The following THADA variants were observed in gnomAD, a reference collection of about 807,000 sequenced individuals.
THADA encodes the protein THADA armadillo repeat containing, also known as tRNA (32-2'-O)-methyltransferase regulator THADA.
THADA carries 213 observed loss-of-function variants against 219.8 expected under a neutral mutation model. The ratio of observed to expected loss-of-function variants is 0.97; its 90% CI spans 0.87 to 1.09. The LOEUF (loss-of-function observed/expected upper bound fraction) is 1.09, where lower values mean the gene tolerates loss of function less well. Among genes scored for constraint, THADA ranks in the 50% least tolerant of loss-of-function variants. THADA has a pLI of 0.00. For synonymous variants in THADA, 1,018 were observed against 828.9 expected (o/e 1.23, Z -3.92); for missense variants, 2,956 against 2,311.3 (o/e 1.28, Z -5.72).
chr2:43,378,806 A>G (rs1378155403), intron 29 of THADA, among the ~76,000 whole-genome samples: 1 of 152,120 alleles, frequency 6.6e-6, no homozygotes, highest in East Asian at 1.9e-4. Flanking sequence ...GGGTTTCTCT[A>G]TGTTGGCCAG....
intron 21 of THADA, among the ~76,000 whole-genome samples, chr2:43,537,939 CAA>C (rs1196698525): frequency 1.8e-4 from 11 of 60,434 alleles, no homozygotes; most frequent in Non-Finnish European, 2.5e-4. Flanking sequence ...GACCCAGACT[CAA>C]AAAAAAAAAA....
Position 43,279,779 on chromosome 2 carries a change from G to A in THADA, c.5282C>T (p.Thr1761Ile). 2 of 1,549,576 alleles carry A rather than the reference G, an allele frequency of 1.3e-6. No homozygotes were observed. Among genetic ancestry groups the A allele is most frequent in the East Asian group, 2.4e-5 (1 of 41,204 alleles). The change falls in exon 36 of 38, where the codon ACC becomes ATC. Residue 1761 changes from threonine to isoleucine, a missense_variant. By Grantham distance (89) the Thr-to-Ile change is moderately conservative. Coordinates refer to ENST00000405975, the MANE Select transcript of THADA (RefSeq NM_022065.5). ...GAACGAGGTACCTGTTGACTGGCAG[G>A]TATTTTCTTGTGACATGGCAGTTGT... is the stretch of plus-strand genomic sequence containing the variant. ...TVTTAMSQENTCQSTEFAFCQ... is the reference protein window; with the variant it reads ...TVTTAMSQENICQSTEFAFCQ...
intron 19 of THADA, among the ~76,000 whole-genome samples, chr2:43,550,790 T>C (rs1696655184): frequency 6.6e-6 from 1 of 152,176 alleles, no homozygotes; most frequent in Non-Finnish European, 1.5e-5. Context: ...GCATGTTCCT[T>C]ATTCTTATGC....
rs148411967 is a variant in THADA, at chr2:43,336,794, C to A, written c.4343+7328G>T. Among the ~76,000 whole-genome samples the A allele has an allele frequency of 5.0e-3, 757 of 152,292 alleles. 2 individuals are homozygous for A. The highest frequency in any genetic ancestry group is 0.017 in the Middle Eastern group (5 of 294). On this transcript the variant is annotated intron_variant, in intron 30 of 37. Coordinates refer to ENST00000405975, the MANE Select transcript of THADA (RefSeq NM_022065.5). ...TTAAGAACTAGCATCAGCCAATCTG[C>A]TACTTAATAAATGCCAATAGCAAGG...
intron 22 of THADA, among the ~76,000 whole-genome samples, chr2:43,526,052 A>C (rs1693127539): frequency 6.6e-6 from 1 of 152,226 alleles, no homozygotes; most frequent in Non-Finnish European, 1.5e-5. Context: ...AAATTCTATA[A>C]TGCAAAGAGG....
At chr2:43,499,207 A>C (rs994128238) in intron 24 of THADA, among the ~76,000 whole-genome samples, 2 of 152,218 alleles carry the variant, frequency 1.3e-5, no homozygotes, top group Non-Finnish European at 2.9e-5. Context: ...CCTGCACCTA[A>C]AATACAGAGA....
intron 21 of THADA, among the ~76,000 whole-genome samples, chr2:43,532,476 C>A (rs951393041): frequency 1.3e-5 from 2 of 150,162 alleles, no homozygotes; most frequent in Non-Finnish European, 3.0e-5. Context: ...TGATCCATCA[C>A]GTAAGCAGAA....
chr2:43,387,697 A>G (rs1672868027), intron 29 of THADA, among the ~76,000 whole-genome samples: 1 of 152,190 alleles, frequency 6.6e-6, no homozygotes, highest in African/African-American at 2.4e-5. Flanking sequence ...GGAAATGTCT[A>G]GAGACATTTT....
At chr2:43,391,444 G>GT (rs1331463273) in intron 29 of THADA, among the ~76,000 whole-genome samples, 6 of 152,230 alleles carry the variant, frequency 3.9e-5, no homozygotes, top group Non-Finnish European at 7.4e-5. Flanking sequence ...AGCTCCCTAA[G>GT]TAACAGACAC....
intron 21 of THADA, among the ~76,000 whole-genome samples, chr2:43,530,905 G>A (rs1282425074): frequency 1.3e-5 from 2 of 152,210 alleles, no homozygotes; most frequent in African/African-American, 4.8e-5. Flanking sequence ...GGACAAAACT[G>A]AGATATAGGC....
intron 17 of THADA, 88 bp downstream of exon 17, chr2:43,556,257 A>G (rs1697328669): frequency 1.3e-6 from 2 of 1,534,916 alleles, no homozygotes; most frequent in Non-Finnish European, 8.7e-7. Flanking sequence ...AAAAACCACA[A>G]AATATATGTT....
intron 7 of THADA, among the ~76,000 whole-genome samples, chr2:43,582,741 T>C (rs1209610111): frequency 6.6e-6 from 1 of 151,728 alleles, no homozygotes; most frequent in African/African-American, 2.4e-5. Flanking sequence ...CTGATTTTTA[T>C]ATTTTTAGTA....
At chr2:43,386,323 T>G (rs1300104185) in intron 29 of THADA, among the ~76,000 whole-genome samples, 3 of 147,606 alleles carry the variant, frequency 2.0e-5, no homozygotes, top group Non-Finnish European at 4.5e-5. Context: ...TTAACTTATG[T>G]TTTTTTTTTC....
rs184666176 is a variant in THADA, at chr2:43,533,889, C to T, written c.3265-5901G>A. The stretch of plus-strand genomic sequence containing the variant: ...AACCTCACGTTCAGCACATGTCTCC[C>T]AGAACTTAAAGTAAAATAAAAATTT... On this transcript the variant is annotated intron_variant, in intron 21 of 37. Coordinates refer to ENST00000405975, the MANE Select transcript of THADA (RefSeq NM_022065.5). 3.3e-5 allele frequency among the ~76,000 whole-genome samples: 5 copies of T among 152,164 alleles called. No individual in the cohort carries two copies. The East Asian group carries it at 7.7e-4, about 23-fold the overall frequency.
chr2:43,461,685 G>A (rs887664105), intron 26 of THADA, among the ~76,000 whole-genome samples: 1 of 152,242 alleles, frequency 6.6e-6, no homozygotes, highest in African/African-American at 2.4e-5. Flanking sequence ...GACCTTCAGA[G>A]TTGTCCCTTG....
At chr2:43,409,434 T>A (rs1676007808) in intron 28 of THADA, among the ~76,000 whole-genome samples, 1 of 152,070 alleles carries the variant, frequency 6.6e-6, no homozygotes, top group African/African-American at 2.4e-5. Context: ...TCAAGGTATC[T>A]TTTCTCAAAT....
At chr2:43,570,204 T>C (rs1382038363) in intron 14 of THADA, among the ~76,000 whole-genome samples, 184 bp downstream of exon 14, 1 of 152,200 alleles carries the variant, frequency 6.6e-6, no homozygotes, top group East Asian at 1.9e-4. Context: ...ACAGCACTGG[T>C]TCCATAACCC....
At chr2:43,372,491 G>C (rs1670916534) in intron 29 of THADA, among the ~76,000 whole-genome samples, 1 of 152,108 alleles carries the variant, frequency 6.6e-6, no homozygotes, top group Admixed American at 6.5e-5. Context: ...TGAAGTGACA[G>C]GTGAAGTGGC....
At chr2:43,417,974 T>A (rs1215486537) in intron 28 of THADA, among the ~76,000 whole-genome samples, 4 of 152,154 alleles carry the variant, frequency 2.6e-5, no homozygotes, top group African/African-American at 9.7e-5. Flanking sequence ...ATAGTAAACA[T>A]TTGCTAATTA....
Sources: gnomAD v4.1 joint callset for allele counts (sites outside exome capture counted in the v4.1 genomes callset) on GRCh38, gnomAD v4.1.1 for gene constraint, MANE v1.5 for transcripts, NCBI Gene and HGNC (gene_info 2026-07-23, HGNC 2026-07-21) for gene names.